BFAR: variants seen among roughly 807,000 people sequenced by gnomAD.
The protein encoded by BFAR is bifunctional apoptosis regulator.
BFAR carries 52 observed loss-of-function variants against 54.4 expected under a neutral mutation model. The ratio of observed to expected loss-of-function variants is 0.96; its 90% CI spans 0.77 to 1.21. The LOEUF (loss-of-function observed/expected upper bound fraction) is 1.21, where lower values mean the gene tolerates loss of function less well. Among genes scored for constraint, BFAR ranks in the 50% most tolerant of loss-of-function variants. The pLI, the probability that BFAR is intolerant of heterozygous loss-of-function variation, is 0.00. For synonymous variants in BFAR, 215 were observed against 204.3 expected (o/e 1.05, Z -0.45); for missense variants, 571 against 534.0 (o/e 1.07, Z -0.68).
At chr16:14,657,088 G>A (rs1960149556) in intron 5 of BFAR, among the ~76,000 whole-genome samples, 1 of 152,012 alleles carries the variant, frequency 6.6e-6, no homozygotes, top group African/African-American at 2.4e-5. Flanking sequence ...GGGTGACAGA[G>A]TGAGACACTG....
intron 5 of BFAR, among the ~76,000 whole-genome samples, chr16:14,659,098 G>A (rs1336421072): frequency 1.3e-5 from 2 of 151,512 alleles, no homozygotes; most frequent in Non-Finnish European, 2.9e-5. Context: ...TAGTAGGGAC[G>A]GGGTTTCACC....
chr16:14,657,442 C>G (rs901665600), intron 5 of BFAR, among the ~76,000 whole-genome samples: 3 of 151,910 alleles, frequency 2.0e-5, no homozygotes, highest in African/African-American at 7.3e-5. Flanking sequence ...TAGAGACGAG[C>G]TTTCACCATG....
intron 1 of BFAR, among the ~76,000 whole-genome samples, chr16:14,635,428 C>G (rs924952790): frequency 2.0e-5 from 3 of 151,872 alleles, no homozygotes; most frequent in Non-Finnish European, 2.9e-5. Context: ...ATCTGAGTTA[C>G]TGACTTGGTA....
intron 7 of BFAR, chr16:14,665,314 A>C (rs1960412557): frequency 4.4e-6 from 2 of 459,092 alleles, no homozygotes; most frequent in East Asian, 3.9e-5. Context: ...GCAATAATAT[A>C]CCATTTAATT....
chr16:14,633,387 G>C (rs1346380515), intron 1 of BFAR: 1 of 152,590 alleles, frequency 6.6e-6, no homozygotes, highest in African/African-American at 2.4e-5. Context: ...CGGGGCGCCT[G>C]CCCGCCAGGA....
At chr16:14,649,237 G>A (rs1959896226) in intron 3 of BFAR, among the ~76,000 whole-genome samples, 1 of 151,846 alleles carries the variant, frequency 6.6e-6, no homozygotes, top group Non-Finnish European at 1.5e-5. Context: ...CACTACAAGA[G>A]GCTAATTTTT....
chr16:14,655,238 T>C, intron 5 of BFAR, 28 bp downstream of exon 5: 1 of 1,333,376 alleles, frequency 7.5e-7, no homozygotes, highest in Non-Finnish European at 9.7e-7. Flanking sequence ...TTTTTTTTTT[T>C]TTTACTTTTT....
At position 14,644,391 on chromosome 16, in the gene BFAR, G is replaced by C. The variant is rs1959723204; in HGVS notation, c.45G>C (p.Glu15Asp). ...GCTATGTGAACACAATGGACCTTGA[G>C]AGAGATGAACCTCTCAAAAGCACCG... is the stretch of plus-strand genomic sequence containing the variant. ...QKSYVNTMDL[E>D]RDEPLKSTGP... The change falls in exon 2 of 8, where the codon GAG (glutamate) becomes GAC (aspartate). Residue 15 changes from glutamate to aspartate, a missense_variant. Physicochemically the swap from Glu to Asp is conservative, Grantham distance 45. Coordinates refer to ENST00000261658, the MANE Select transcript of BFAR (RefSeq NM_016561.3). 1 of 1,613,834 alleles carries C rather than the reference G, an allele frequency of 6.2e-7. No individual in the cohort carries two copies. Among genetic ancestry groups the C allele is most frequent in the Non-Finnish European group, 8.5e-7 (1 of 1,179,952 alleles).
Position 14,669,147 on chromosome 16 carries a change from T to G in BFAR, c.*1320T>G, listed in dbSNP as rs188107496. On this transcript the variant is annotated 3_prime_UTR_variant, in exon 8 of 8. Transcript: ENST00000261658. ...AACCATTCATTAACCCTTTGTATCT[T>G]TGAGTGAAAATTTTACTCAAAAGTT... 2.2e-5 allele frequency: 8 copies of G among 357,436 alleles called. No homozygotes were observed. Among genetic ancestry groups the G allele is most frequent in the Non-Finnish European group, 4.6e-5 (8 of 173,900 alleles). 22.1% of individuals were successfully genotyped at this position (357,436 alleles called of 1,614,324 possible).
intron 1 of BFAR, among the ~76,000 whole-genome samples, chr16:14,636,887 T>C (rs1357045100): frequency 6.6e-6 from 1 of 152,236 alleles, no homozygotes; most frequent in Admixed American, 6.5e-5. Context: ...CCTTCAAGCA[T>C]CTGTTTAACA....
At position 14,651,592 on chromosome 16, in the gene BFAR, A is replaced by C. The variant is rs60184258; in HGVS notation, c.638+1619A>C. On this transcript the variant is annotated intron_variant, in intron 4 of 7. Transcript: ENST00000261658. ...CTGTGTTTAGGGCTCAAGGAGTCCT[A>C]CCTCAGCCTCCCAAGTAGCTGGGAC... Among the ~76,000 whole-genome samples the C allele has an allele frequency of 7.9e-5, 12 of 152,008 alleles. No individual in the cohort carries two copies. The East Asian group carries it at 2.3e-3, about 30-fold the overall frequency.
intron 1 of BFAR, among the ~76,000 whole-genome samples, chr16:14,642,159 G>A (rs778633245): frequency 1.3e-5 from 2 of 152,124 alleles, no homozygotes; most frequent in Admixed American, 6.5e-5. Context: ...TGTGGGCGGC[G>A]GAGAGCAATT....
intron 5 of BFAR, among the ~76,000 whole-genome samples, chr16:14,661,342 G>T (rs1596991869): frequency 6.8e-6 from 1 of 148,008 alleles, no homozygotes; most frequent in East Asian, 2.0e-4. Flanking sequence ...CAAGCAGGGT[G>T]CAAGAGTATG....
At chr16:14,651,548 C>T (rs1391425459) in intron 4 of BFAR, among the ~76,000 whole-genome samples, 2 of 152,066 alleles carry the variant, frequency 1.3e-5, no homozygotes, top group Non-Finnish European at 2.9e-5. Context: ...GTGGCACAAC[C>T]TCAACTCAAC....
intron 2 of BFAR, 138 bp downstream of exon 2, chr16:14,644,747 TCCTC>T: frequency 9.2e-7 from 1 of 1,086,202 alleles, no homozygotes; most frequent in Non-Finnish European, 1.3e-6. Context: ...CCTCAAGTGA[TCCTC>T]CCACTTCAGC....
chr16:14,662,168 A>G, intron 6 of BFAR, 103 bp downstream of exon 6: 1 of 1,329,116 alleles, frequency 7.5e-7, no homozygotes, highest in Non-Finnish European at 1.1e-6. Flanking sequence ...TGACCCATGA[A>G]CTCCTTCAGA....
intron 1 of BFAR, among the ~76,000 whole-genome samples, chr16:14,639,290 A>G (rs1596965009): frequency 6.7e-6 from 1 of 148,716 alleles, no homozygotes. Flanking sequence ...TCATCCCAGC[A>G]CCCCAGAACT....
At chr16:14,656,387 T>C (rs969655049) in intron 5 of BFAR, among the ~76,000 whole-genome samples, 1 of 151,574 alleles carries the variant, frequency 6.6e-6, no homozygotes, top group African/African-American at 2.4e-5. Context: ...CAAAAAAAAT[T>C]AGTTGAGTGT....
intron 1 of BFAR, among the ~76,000 whole-genome samples, chr16:14,636,298 A>G (rs1959436620): frequency 6.6e-6 from 1 of 152,206 alleles, no homozygotes; most frequent in African/African-American, 2.4e-5. Context: ...CCAGCCTCTG[A>G]GTTTCCTTAG....
Sources: allele counts gnomAD v4.1 joint callset (sites outside exome capture counted in the v4.1 genomes callset), GRCh38; gene constraint gnomAD v4.1.1; transcripts MANE v1.5; gene names NCBI Gene and HGNC (gene_info 2026-07-23, HGNC 2026-07-21).